Variants in CCDC25 observed in about 807,000 individuals in gnomAD.
CCDC25 encodes the protein coiled-coil domain-containing protein 25.
CCDC25 carries 16 observed loss-of-function variants against 35.3 expected under a neutral mutation model. The ratio of observed to expected loss-of-function variants is 0.45; its 90% CI spans 0.31 to 0.69. The LOEUF (loss-of-function observed/expected upper bound fraction) is 0.69. Among genes scored for constraint, CCDC25 ranks in the 30% least tolerant of loss-of-function variants. CCDC25 has a pLI of 0.06. For missense variants in CCDC25, 179 were observed against 250.7 expected (o/e 0.71, Z 1.93); for synonymous variants, 79 against 80.3 (o/e 0.98, Z 0.09).
At chr8:27,756,450 A>G (rs4732745) in intron 4 of CCDC25, 138,343 of 351,054 alleles carry the variant, frequency 0.39, 29,966 homozygotes, top group Middle Eastern at 0.49. Context: ...AGAAAAGGAA[A>G]GCAGAGATGA....
At chr8:27,758,969 G>C (rs1804115676) in intron 3 of CCDC25, among the ~76,000 whole-genome samples, 1 of 151,978 alleles carries the variant, frequency 6.6e-6, no homozygotes, top group South Asian at 2.1e-4. Flanking sequence ...GAGAATGGAT[G>C]AAAGTATAAG....
chr8:27,752,447 T>C (rs569473437), intron 5 of CCDC25, 65 bp downstream of exon 5: 42 of 1,230,016 alleles, frequency 3.4e-5, no homozygotes, highest in East Asian at 3.3e-4. Context: ...CTCACTAAAA[T>C]GTAATCCATT....
chr8:27,771,055 A>G (rs1474488213), intron 1 of CCDC25, among the ~76,000 whole-genome samples: 2 of 152,206 alleles, frequency 1.3e-5, no homozygotes, highest in African/African-American at 2.4e-5. Context: ...TGGTGGTCCC[A>G]TAACATTATA....
At chr8:27,751,309 A>G (rs966419794) in intron 5 of CCDC25, among the ~76,000 whole-genome samples, 1 of 152,260 alleles carries the variant, frequency 6.6e-6, no homozygotes, top group African/African-American at 2.4e-5. Context: ...CAGTAACTGA[A>G]GATCTTAGCT....
At chr8:27,746,804 G>A (rs6987708) in intron 7 of CCDC25, among the ~76,000 whole-genome samples, 6,714 of 152,172 alleles carry the variant, frequency 0.044, 217 homozygotes, top group African/African-American at 0.087. Context: ...AGTGAAGCCT[G>A]TTTTAGCAGA....
intron 7 of CCDC25, among the ~76,000 whole-genome samples, chr8:27,746,742 T>C (rs1394256203): frequency 2.0e-5 from 3 of 152,194 alleles, no homozygotes; most frequent in African/African-American, 7.2e-5. Context: ...TATTAGCAGA[T>C]TGTAACTCAG....
chr8:27,738,077 C>T (rs984225591), intron 8 of CCDC25, among the ~76,000 whole-genome samples: 5 of 151,414 alleles, frequency 3.3e-5, no homozygotes, highest in African/African-American at 9.7e-5. Context: ...GATGCAAAGG[C>T]GTAAGAATGA....
At chr8:27,740,228 C>A (rs1303885390) in intron 8 of CCDC25, among the ~76,000 whole-genome samples, 3 of 152,082 alleles carry the variant, frequency 2.0e-5, no homozygotes, top group African/African-American at 7.2e-5. Flanking sequence ...TAGACCTGTA[C>A]GCCACAGTAG....
At chr8:27,762,149 T>C (rs945376473) in intron 3 of CCDC25, among the ~76,000 whole-genome samples, 2 of 152,202 alleles carry the variant, frequency 1.3e-5, no homozygotes, top group African/African-American at 4.8e-5. Context: ...AAGTGAGGTG[T>C]GGTCTCAGTA....
intron 2 of CCDC25, 96 bp downstream of exon 2, chr8:27,765,108 G>T (rs1453686383): frequency 8.4e-7 from 1 of 1,197,072 alleles, no homozygotes; most frequent in Non-Finnish European, 1.2e-6. Flanking sequence ...TGAAAACTCA[G>T]AACCAACAAA....
At chr8:27,750,946 T>C (rs554900682) in intron 5 of CCDC25, among the ~76,000 whole-genome samples, 5 of 152,310 alleles carry the variant, frequency 3.3e-5, no homozygotes, top group Non-Finnish European at 5.9e-5. Flanking sequence ...GGAAATCTCA[T>C]AGCAACGACC....
rs1803161363 is a variant in CCDC25, at chr8:27,734,816, C to T, written c.*1400G>A. 1 of 152,136 alleles carries T rather than the reference C, an allele frequency of 6.6e-6. No homozygotes were observed. Among genetic ancestry groups the T allele is most frequent in the Non-Finnish European group, 1.5e-5 (1 of 68,012 alleles). The allele number at this position is 152,136 out of a possible 1,614,324, so 9.4% of individuals were successfully genotyped here. On this transcript the variant is annotated 3_prime_UTR_variant, in exon 9 of 9. Transcript: ENST00000356537. ...TATGGAAGGAGCACAGCTACGAATA[C>T]ATCTGAGATGTATCAAGAATACATC...
In CCDC25 at chr8:27,753,405, T is replaced by C. The variant is rs144600437; in HGVS notation, c.169-818A>G. 2.6e-4 allele frequency among the ~76,000 whole-genome samples: 40 copies of C among 152,286 alleles called. 1 individual carries two copies. The highest frequency in any genetic ancestry group is 3.5e-4 in the Non-Finnish European group (24 of 68,014). ...TCAGGTAAAAGTTCCTCAAGGAGCA[T>C]ACACTTTCAAACTGGGCACATTAGG... On this transcript the variant is annotated intron_variant, in intron 4 of 8. Transcript: ENST00000356537.
At chr8:27,749,026 C>T (rs925055931) in intron 5 of CCDC25, among the ~76,000 whole-genome samples, 1 of 152,086 alleles carries the variant, frequency 6.6e-6, no homozygotes, top group Non-Finnish European at 1.5e-5. Flanking sequence ...ACGAGCTAGC[C>T]GAGCCTCTCT....
intron 4 of CCDC25, 52 bp downstream of exon 4, chr8:27,756,667 T>C: frequency 8.3e-7 from 1 of 1,200,222 alleles, no homozygotes; most frequent in Non-Finnish European, 1.2e-6. Flanking sequence ...AAGAACAAGA[T>C]ATGATGCATC....
At chr8:27,771,673 C>G (rs751194300) in intron 1 of CCDC25, among the ~76,000 whole-genome samples, 50 of 152,140 alleles carry the variant, frequency 3.3e-4, no homozygotes, top group Non-Finnish European at 6.3e-4. Flanking sequence ...CAAGCAGACA[C>G]CATTTAATAC....
At chr8:27,747,820 G>C (rs756701534) in intron 7 of CCDC25, 77 of 475,334 alleles carry the variant, frequency 1.6e-4, no homozygotes, top group Non-Finnish European at 2.7e-4. Context: ...GATAACCTAT[G>C]AAGGTTTCTC....
chr8:27,757,458 A>G (rs1360470167), intron 3 of CCDC25, among the ~76,000 whole-genome samples: 2 of 152,158 alleles, frequency 1.3e-5, no homozygotes, highest in Non-Finnish European at 2.9e-5. Context: ...ATACCAATAT[A>G]TGTCTCTTGG....
At chr8:27,740,372 A>G (rs905449575) in intron 8 of CCDC25, 100 bp downstream of exon 8, 1 of 1,194,548 alleles carries the variant, frequency 8.4e-7, no homozygotes, top group Non-Finnish European at 1.2e-6. Context: ...ATGGTTAGCT[A>G]TTTGCAACAT....
Sources: allele counts gnomAD v4.1 joint callset (sites outside exome capture counted in the v4.1 genomes callset), GRCh38; gene constraint gnomAD v4.1.1; transcripts MANE v1.5; gene names NCBI Gene and HGNC (gene_info 2026-07-23, HGNC 2026-07-21).